The following PIP4K2A variants were observed in gnomAD, a reference collection of about 807,000 sequenced individuals.
PIP4K2A encodes the protein phosphatidylinositol-5-phosphate 4-kinase type 2 alpha.
Under a neutral mutation model 42.9 loss-of-function variants are expected in PIP4K2A, and 14 were observed. That is an observed-to-expected ratio of 0.33 (90% CI 0.22 to 0.51). The LOEUF (loss-of-function observed/expected upper bound fraction) is 0.51, where lower values mean the gene tolerates loss of function less well. Ranked by LOEUF, PIP4K2A falls within the 20% of genes least tolerant of loss-of-function variation. The pLI, the probability that PIP4K2A is intolerant of heterozygous loss-of-function variation, is 0.97. For missense variants in PIP4K2A, 434 were observed against 519.8 expected (o/e 0.83, Z 1.61); for synonymous variants, 192 against 192.2 (o/e 1.00, Z 0.01).
At position 22,562,536 on chromosome 10, in the gene PIP4K2A, G is replaced by A. The variant is rs557436494; in HGVS notation, c.678+5315C>T. Among the ~76,000 whole-genome samples, 8 of 152,268 alleles carry A rather than the reference G, an allele frequency of 5.3e-5. No individual in the cohort carries two copies. The East Asian group carries it at 1.4e-3, about 26-fold the overall frequency. ...TGCACTCCAGCCTGGGTGACAGAGC[G>A]AGACTCCGTCTCGAAAAAAAACAAA... On this transcript the variant is annotated intron_variant, in intron 6 of 9. Coordinates refer to ENST00000376573, the MANE Select transcript of PIP4K2A (RefSeq NM_005028.5).
intron 1 of PIP4K2A, among the ~76,000 whole-genome samples, chr10:22,664,079 A>ACG (rs1839270410): frequency 7.5e-5 from 6 of 80,142 alleles, no homozygotes; most frequent in Non-Finnish European, 1.2e-4. Context: ...ATATATACGT[A>ACG]TATATATATA....
chr10:22,631,289 A>C (rs1279107583), intron 1 of PIP4K2A, among the ~76,000 whole-genome samples: 1 of 152,068 alleles, frequency 6.6e-6, no homozygotes, highest in African/African-American at 2.4e-5. Context: ...CTTTGTTTGG[A>C]GATGGGGCCC....
intron 1 of PIP4K2A, among the ~76,000 whole-genome samples, chr10:22,699,816 C>G (rs143050454): frequency 1.3e-5 from 2 of 152,108 alleles, no homozygotes; most frequent in African/African-American, 2.4e-5. Flanking sequence ...TACATAGACA[C>G]TAAAATCCAG....
At chr10:22,652,515 T>A (rs1173685200) in intron 1 of PIP4K2A, among the ~76,000 whole-genome samples, 4 of 152,196 alleles carry the variant, frequency 2.6e-5, no homozygotes, top group Admixed American at 1.3e-4. Flanking sequence ...AATGTCTTCG[T>A]AGTAATCAAC....
At chr10:22,596,847 C>T (rs935960447) in intron 3 of PIP4K2A, among the ~76,000 whole-genome samples, 5 of 152,254 alleles carry the variant, frequency 3.3e-5, no homozygotes, top group Admixed American at 1.3e-4. Flanking sequence ...ATGGAGGGCC[C>T]TGCAGGGGCC....
intron 6 of PIP4K2A, among the ~76,000 whole-genome samples, chr10:22,556,849 A>C (rs1248005509): frequency 6.6e-6 from 1 of 152,182 alleles, no homozygotes; most frequent in Non-Finnish European, 1.5e-5. Context: ...CATTTTGCAA[A>C]GTTTTTGGCT....
At chr10:22,676,528 T>C (rs982029866) in intron 1 of PIP4K2A, among the ~76,000 whole-genome samples, 2 of 152,066 alleles carry the variant, frequency 1.3e-5, no homozygotes, top group Non-Finnish European at 2.9e-5. Context: ...ACGATACAGT[T>C]ATAGGTGGAG....
chr10:22,550,711 A>G lies in PIP4K2A; in HGVS notation c.740T>C (p.Ile247Thr). ...DFINEGQKIYIDDNNKKVFLE... is the reference protein window; with the variant it reads ...DFINEGQKIYTDDNNKKVFLE... ...GAAGACCTTCTTGTTGTTGTCATCA[A>G]TATAAATCTTTTGGCCCTCATTAAT... is the stretch of plus-strand genomic sequence containing the variant. Residue 247 changes from isoleucine to threonine, a missense_variant, in exon 7 of 10, where the codon ATT becomes ACT. By Grantham distance (89) the Ile-to-Thr change is moderately conservative (BLOSUM62 -1). Coordinates refer to ENST00000376573, the MANE Select transcript of PIP4K2A (RefSeq NM_005028.5). The G allele has an allele frequency of 1.2e-6, 2 of 1,609,364 alleles. No homozygotes were observed. The highest frequency in any genetic ancestry group is 1.7e-6 in the Non-Finnish European group (2 of 1,175,540).
chr10:22,540,092 C>A lies in PIP4K2A; in HGVS notation c.1037-18G>T, dbSNP rs1189767235. 2.7e-6 allele frequency: 3 copies of A among 1,092,696 alleles called. No individual in the cohort carries two copies. Among genetic ancestry groups the A allele is most frequent in the African/African-American group, 1.6e-5 (1 of 62,188 alleles). 67.7% of individuals were successfully genotyped at this position (1,092,696 alleles called of 1,614,324 possible). A position where few individuals can be genotyped will look rare whatever the true frequency, so the allele number is the denominator to read the frequency against. ...AGGCGAGTCTGCAGAGACAGGAGAG[C>A]AATGACTGTGGGACATGTGACAACA... On this transcript the variant is annotated intron_variant, in intron 8 of 9. Transcript: ENST00000376573.
At chr10:22,595,730 C>A (rs1170267356) in intron 3 of PIP4K2A, among the ~76,000 whole-genome samples, 1 of 152,086 alleles carries the variant, frequency 6.6e-6, no homozygotes, top group African/African-American at 2.4e-5. Flanking sequence ...GCACTCCAAC[C>A]TGAGCAGCAC....
At chr10:22,624,758 CT>C (rs1838401044) in intron 1 of PIP4K2A, among the ~76,000 whole-genome samples, 2 of 152,166 alleles carry the variant, frequency 1.3e-5, no homozygotes, top group Admixed American at 6.5e-5. Context: ...AAGAAATTAA[CT>C]GCTTTTCAAG....
chr10:22,538,681 G>A (rs1210262018), intron 9 of PIP4K2A, among the ~76,000 whole-genome samples: 1 of 152,104 alleles, frequency 6.6e-6, no homozygotes, highest in Non-Finnish European at 1.5e-5. Flanking sequence ...CTCCTGAACT[G>A]GCCTCAGAAA....
intron 1 of PIP4K2A, among the ~76,000 whole-genome samples, chr10:22,616,307 G>T (rs755043443): frequency 2.6e-5 from 4 of 152,220 alleles, no homozygotes; most frequent in Non-Finnish European, 5.9e-5. Context: ...TAACCTTACG[G>T]CTCATGCTAG....
At chr10:22,702,511 G>A (rs534318932) in intron 1 of PIP4K2A, among the ~76,000 whole-genome samples, 1 of 152,298 alleles carries the variant, frequency 6.6e-6, no homozygotes, top group South Asian at 2.1e-4. Flanking sequence ...TTTGAAAGAA[G>A]TTGTTTACTT....
intron 4 of PIP4K2A, 78 bp downstream of exon 4, chr10:22,591,551 T>G (rs1837511432): frequency 9.0e-7 from 1 of 1,115,552 alleles, no homozygotes; most frequent in Non-Finnish European, 1.3e-6. Flanking sequence ...ACTATATATT[T>G]AAATCTCTGG....
At chr10:22,569,164 C>T in intron 5 of PIP4K2A, 3 of 798,022 alleles carry the variant, frequency 3.8e-6, no homozygotes, top group Non-Finnish European at 6.2e-6. Flanking sequence ...ACGGAAGAGA[C>T]TCCTCACATT....
At chr10:22,647,061 A>C (rs144999094) in intron 1 of PIP4K2A, among the ~76,000 whole-genome samples, 48 of 152,304 alleles carry the variant, frequency 3.2e-4, no homozygotes, top group African/African-American at 9.4e-4. Context: ...CTTCTACTAC[A>C]AAGTTTTTTC....
chr10:22,554,283 CT>C (rs1185051248), intron 6 of PIP4K2A, among the ~76,000 whole-genome samples: 1 of 152,168 alleles, frequency 6.6e-6, no homozygotes, highest in South Asian at 2.1e-4. Context: ...TTAGAAACAT[CT>C]TTTTTTTAAA....
chr10:22,591,533 G>A, intron 4 of PIP4K2A, 96 bp downstream of exon 4: 1 of 959,936 alleles, frequency 1.0e-6, no homozygotes, highest in Non-Finnish European at 1.6e-6. Flanking sequence ...TGTTCTTCTT[G>A]TTCTCTAACT....
Sources: gnomAD v4.1 joint callset for allele counts (sites outside exome capture counted in the v4.1 genomes callset) on GRCh38, gnomAD v4.1.1 for gene constraint, MANE v1.5 for transcripts, NCBI Gene and HGNC (gene_info 2026-07-23, HGNC 2026-07-21) for gene names.